Variants in LARP4 observed in about 807,000 individuals in gnomAD.
LARP4 encodes la-related protein 4.
In LARP4, 29 loss-of-function variants were observed where a neutral mutation model predicts 92.9. The ratio of observed to expected loss-of-function variants is 0.31; its 90% CI spans 0.23 to 0.43. The LOEUF is 0.43. Ranked by LOEUF, LARP4 falls within the 20% of genes least tolerant of loss-of-function variation. LARP4 has a pLI of 1.00. For missense variants in LARP4, 732 were observed against 860.0 expected, an observed-to-expected ratio of 0.85 and a Z score of 1.86; for synonymous variants, 279 against 284.1, an observed-to-expected ratio of 0.98 and a Z score of 0.18.
intron 7 of LARP4, 58 bp downstream of exon 7, chr12:50,440,607 A>G (rs969536480): frequency 1.5e-5 from 17 of 1,138,528 alleles, no homozygotes; most frequent in South Asian, 2.5e-5. Context: ...AAGTAGTGGT[A>G]TATTTTAATT....
intron 10 of LARP4, 94 bp from the exon 11 acceptor site, chr12:50,461,041 C>A (rs1237301225): frequency 3.3e-6 from 3 of 919,538 alleles, no homozygotes; most frequent in East Asian, 4.8e-5. Flanking sequence ...TTTTTGAAAA[C>A]CCCAGTACAA....
In LARP4 at chr12:50,441,661, G is replaced by T; in HGVS notation, c.804+18G>T. ...CAATTATGGTAAGAAATAGAGATCAGTGTGAAACCAGAACAGGTTTTGGTT... is the reference window on the plus strand; with the variant it reads ...CAATTATGGTAAGAAATAGAGATCATTGTGAAACCAGAACAGGTTTTGGTT... On this transcript the variant is annotated intron_variant, in intron 8 of 15. Transcript: ENST00000398473. 1.9e-6 allele frequency: 3 copies of T among 1,565,952 alleles called. No individual in the cohort carries two copies. The highest frequency in any genetic ancestry group is 2.6e-6 in the Non-Finnish European group (3 of 1,148,314).
At chr12:50,435,969 G>A (rs1950345468) in intron 5 of LARP4, among the ~76,000 whole-genome samples, 1 of 123,934 alleles carries the variant, frequency 8.1e-6, no homozygotes. Flanking sequence ...TATAGAGGTG[G>A]GGTCTTGGTA....
At chr12:50,466,883 C>G (rs1447534841) in intron 12 of LARP4, 76 bp from the exon 13 acceptor site, 2 of 1,379,972 alleles carry the variant, frequency 1.4e-6, no homozygotes, top group African/African-American at 2.9e-5. Flanking sequence ...TCTTTTCTTG[C>G]ACCTTTCAGC....
chr12:50,445,452 A>G (rs972098580), intron 8 of LARP4, among the ~76,000 whole-genome samples: 44 of 151,920 alleles, frequency 2.9e-4, no homozygotes, highest in African/African-American at 1.1e-3. Context: ...GGAAATACTA[A>G]ACTTCTTGGC....
At chr12:50,431,488 T>C (rs977555291) in intron 4 of LARP4, among the ~76,000 whole-genome samples, 1 of 152,206 alleles carries the variant, frequency 6.6e-6, no homozygotes, top group Non-Finnish European at 1.5e-5. Flanking sequence ...TAATTTATAT[T>C]GCCAATGTCT....
intron 1 of LARP4, among the ~76,000 whole-genome samples, chr12:50,421,643 A>AAAT (rs145797546): frequency 4.1e-5 from 6 of 147,886 alleles, no homozygotes; most frequent in African/African-American, 1.3e-4. Flanking sequence ...ACTTCATCAC[A>AAAT]AAATAAATAA....
In LARP4 at chr12:50,461,080, A is replaced by G. The variant is rs1353647763; in HGVS notation, c.1122-55A>G. The stretch of plus-strand genomic sequence containing the variant: ...GAGCCAATTTTTTACCTAAGGAAAG[A>G]TGTTTTTCTGTCTCGATTTACTGCT... On this transcript the variant is annotated intron_variant, in intron 10 of 15. Coordinates refer to ENST00000398473, the MANE Select transcript of LARP4 (RefSeq NM_052879.5). The G allele has an allele frequency of 1.4e-5, 20 of 1,446,512 alleles. 1 individual carries two copies. Among genetic ancestry groups the G allele is most frequent in the South Asian group, 9.2e-5 (8 of 86,492 alleles). The allele number at this position is 1,446,512 out of a possible 1,614,324, so 89.6% of individuals were successfully genotyped here.
chr12:50,474,979 A>G (rs2139224481), intron 15 of LARP4, among the ~76,000 whole-genome samples: 1 of 152,378 alleles, frequency 6.6e-6, no homozygotes, highest in Middle Eastern at 3.4e-3. Context: ...TCATTCAATG[A>G]TAGTAATAAT....
chr12:50,414,696 G>A (rs1011065269), intron 1 of LARP4, among the ~76,000 whole-genome samples: 1 of 152,126 alleles, frequency 6.6e-6, no homozygotes, highest in Admixed American at 6.5e-5. Flanking sequence ...TTTTTTCACT[G>A]AACAATATGC....
At chr12:50,458,892 C>A (rs1007213896) in intron 10 of LARP4, among the ~76,000 whole-genome samples, 1 of 152,226 alleles carries the variant, frequency 6.6e-6, no homozygotes, top group African/African-American at 2.4e-5. Flanking sequence ...TTCATGCAGT[C>A]ATGCCATGCT....
intron 11 of LARP4, among the ~76,000 whole-genome samples, chr12:50,462,184 T>G (rs895226355): frequency 6.6e-6 from 1 of 151,796 alleles, no homozygotes; most frequent in Non-Finnish European, 1.5e-5. Context: ...GATGTTTAAA[T>G]TGAAATGTAT....
chr12:50,410,934 A>G (rs570333913), intron 1 of LARP4, among the ~76,000 whole-genome samples: 2 of 152,284 alleles, frequency 1.3e-5, no homozygotes, highest in East Asian at 3.9e-4. Context: ...CTAGAGTACC[A>G]GCAATAATAC....
intron 1 of LARP4, among the ~76,000 whole-genome samples, chr12:50,409,418 C>T (rs1334442813): frequency 6.6e-6 from 1 of 152,140 alleles, no homozygotes; most frequent in East Asian, 1.9e-4. Flanking sequence ...ACCTGTAATA[C>T]TAGCACTTAG....
At chr12:50,462,246 G>T (rs183814352) in intron 11 of LARP4, among the ~76,000 whole-genome samples, 2 of 152,180 alleles carry the variant, frequency 1.3e-5, no homozygotes, top group African/African-American at 2.4e-5. Flanking sequence ...ACTTTGGGAG[G>T]TGGGGCAGGC....
intron 13 of LARP4, among the ~76,000 whole-genome samples, chr12:50,471,681 C>T (rs1403159658): frequency 3.3e-5 from 5 of 152,028 alleles, no homozygotes; most frequent in African/African-American, 4.8e-5. Context: ...CCACCATGCC[C>T]GGCTAATTTT....
chr12:50,460,959 T>C lies in LARP4; in HGVS notation c.1122-176T>C, dbSNP rs116447776. ...TCCATCTCAAAAAAGTTTACGTCAC[T>C]TTTTAAAATAACATCTGGAATGTAA... On this transcript the variant is annotated intron_variant, in intron 10 of 15. Coordinates refer to ENST00000398473, the MANE Select transcript of LARP4 (RefSeq NM_052879.5). Among the ~76,000 whole-genome samples, 1,152 of 152,270 alleles carry C rather than the reference T, an allele frequency of 7.6e-3. 15 individuals are homozygous for C. The highest frequency in any genetic ancestry group is 0.026 in the African/African-American group (1,063 of 41,568).
chr12:50,451,905 G>A (rs1054321859), intron 8 of LARP4, among the ~76,000 whole-genome samples: 1 of 152,142 alleles, frequency 6.6e-6, no homozygotes, highest in Non-Finnish European at 1.5e-5. Flanking sequence ...TCAGGAGGCT[G>A]AGGCAGGAAA....
chr12:50,408,539 C>T (rs1192757692), intron 1 of LARP4, among the ~76,000 whole-genome samples: 2 of 151,722 alleles, frequency 1.3e-5, no homozygotes, highest in Non-Finnish European at 2.9e-5. Flanking sequence ...TGCAGTAATG[C>T]AGGGTAGAAA....
Sources: gnomAD v4.1 joint callset for allele counts (sites outside exome capture counted in the v4.1 genomes callset) on GRCh38, gnomAD v4.1.1 for gene constraint, MANE v1.5 for transcripts, NCBI Gene and HGNC (gene_info 2026-07-23, HGNC 2026-07-21) for gene names.